B3GALT5: variants seen among roughly 807,000 people sequenced by gnomAD.
The protein encoded by B3GALT5 is UDP-Gal:betaGlcNAc beta 1,3-galactosyltransferase, polypeptide 5.
For synonymous variants in B3GALT5, 156 were observed against 158.6 expected (o/e 0.98, Z 0.12); for missense variants, 328 against 396.6 (o/e 0.83, Z 1.47).
chr21:39,661,102 T>C lies in B3GALT5; in HGVS notation c.543T>C (p.Thr181=), dbSNP rs768724281. The C allele has an allele frequency of 6.2e-7, 1 of 1,614,224 alleles. No homozygotes were observed. The highest frequency in any genetic ancestry group is 8.5e-7 in the Non-Finnish European group (1 of 1,180,030). The part of the protein sequence containing the change: ...LKKNRTTRFF[T]GFLKLNEFPI... The stretch of plus-strand genomic sequence containing the variant: ...AAAACAGAACAACCAGGTTTTTCAC[T>C]GGCTTCTTGAAACTCAATGAGTTTC... Residue 181 remains threonine, a synonymous_variant, in exon 4 of 4, where the codon ACT becomes ACC. Transcript: ENST00000684187. This position sits in a 1 kb window ranked among gnomAD's most constrained non-coding sequence, Gnocchi z 4.7.
At chr21:39,655,359 G>A (rs921319352) in intron 2 of B3GALT5, among the ~76,000 whole-genome samples, 15 of 152,238 alleles carry the variant, frequency 9.9e-5, no homozygotes, top group Non-Finnish European at 4.4e-5. Context: ...ATTCACCATC[G>A]TGCTGCAAGA....
chr21:39,651,714 G>A (rs192033175), intron 2 of B3GALT5, among the ~76,000 whole-genome samples: 8 of 152,278 alleles, frequency 5.3e-5, no homozygotes, highest in African/African-American at 1.9e-4. Context: ...ACATCGCACC[G>A]TAGTAGCAGT....
rs1366469738 is a variant in B3GALT5, at chr21:39,671,776, C to G, written c.*10284C>G. The G allele has an allele frequency of 6.6e-6, 1 of 152,080 alleles. No homozygotes were observed. Among genetic ancestry groups the G allele is most frequent in the Admixed American group, 6.5e-5 (1 of 15,280 alleles). The allele number at this position is 152,080 out of a possible 1,614,324, so 9.4% of individuals were successfully genotyped here. A position where few individuals can be genotyped will look rare whatever the true frequency, so the allele number is the denominator to read the frequency against. On this transcript the variant is annotated 3_prime_UTR_variant, in exon 4 of 4. Coordinates refer to ENST00000684187, the MANE Select transcript of B3GALT5 (RefSeq NM_001356336.2). Reference sequence around the variant, plus strand: ...AGAGAAGGATTTGCAGTGTGTGGCCCCTGGGAATGTAGAGGCATGAATTTC... The same window carrying G: ...AGAGAAGGATTTGCAGTGTGTGGCCGCTGGGAATGTAGAGGCATGAATTTC...
At chr21:39,648,219 T>C (rs1342309562) in intron 2 of B3GALT5, among the ~76,000 whole-genome samples, 1 of 152,142 alleles carries the variant, frequency 6.6e-6, no homozygotes, top group African/African-American at 2.4e-5. Context: ...AAAGAATGCA[T>C]CAGATTTAAA....
intron 1 of B3GALT5, among the ~76,000 whole-genome samples, chr21:39,644,383 A>G (rs1207542594): frequency 6.6e-6 from 1 of 152,056 alleles, no homozygotes; most frequent in Non-Finnish European, 1.5e-5. Flanking sequence ...TGAGGGAGGT[A>G]TGTAGCTTTT....
chr21:39,656,606 G>T (rs560812), intron 2 of B3GALT5, among the ~76,000 whole-genome samples: 8,703 of 152,188 alleles, frequency 0.057, 382 homozygotes, highest in South Asian at 0.18. Flanking sequence ...CTCCTTTCAG[G>T]TCCAGGAAGT....
chr21:39,619,877 G>A (rs1468332386), intron 1 of B3GALT5, among the ~76,000 whole-genome samples: 5 of 152,090 alleles, frequency 3.3e-5, no homozygotes, highest in East Asian at 1.9e-4. Flanking sequence ...GTGTGATTTC[G>A]TCTCACTGCA....
At chr21:39,615,524 G>T (rs2079103073) in intron 1 of B3GALT5, among the ~76,000 whole-genome samples, 1 of 152,174 alleles carries the variant, frequency 6.6e-6, no homozygotes, top group Non-Finnish European at 1.5e-5. Context: ...AGTCGTTTGG[G>T]ACCAAGTTGG....
At chr21:39,639,347 T>TTCCTTCCTTCCTTCC (rs2079260005) in intron 1 of B3GALT5, among the ~76,000 whole-genome samples, 9 of 66,788 alleles carry the variant, frequency 1.3e-4, no homozygotes, top group Non-Finnish European at 2.3e-4. Context: ...TCTTTCTTTC[T>TTCCTTCCTTCCTTCC]TTCCTTCCTT....
At chr21:39,622,766 C>T (rs2079140627) in intron 1 of B3GALT5, among the ~76,000 whole-genome samples, 1 of 151,792 alleles carries the variant, frequency 6.6e-6, no homozygotes, top group South Asian at 2.1e-4. Flanking sequence ...TTTTCTTTTT[C>T]ATACCTTTTT....
Position 39,661,189 on chromosome 21 carries a change from C to A in B3GALT5, c.630C>A (p.Tyr210Ter). Residue 210 changes from tyrosine to a stop codon, truncating the protein, a stop_gained, in exon 4 of 4, where the codon TAC becomes TAA. Coordinates refer to ENST00000684187, the MANE Select transcript of B3GALT5 (RefSeq NM_001356336.2). LOFTEE classifies it low-confidence loss of function (END_TRUNC). The surrounding 1 kb of genome is among the most constrained non-coding windows in gnomAD (Gnocchi z 4.7). ...AATCTGAATATCCGTGGGACAGGTA[C>A]CCACCATTCTGCTCCGGCACCGGCT... ...VSKSEYPWDR[Y>*]PPFCSGTGYV... The A allele has an allele frequency of 1.2e-6, 2 of 1,614,164 alleles. No individual in the cohort carries two copies. Among genetic ancestry groups the A allele is most frequent in the Non-Finnish European group, 1.7e-6 (2 of 1,180,036 alleles).
Position 39,661,418 on chromosome 21 carries a change from A to T in B3GALT5, c.859A>T (p.Ile287Phe). The T allele has an allele frequency of 1.3e-6, 2 of 1,555,444 alleles. No homozygotes were observed. The highest frequency in any genetic ancestry group is 1.7e-6 in the Non-Finnish European group (2 of 1,153,020). ...CAGGAGGATCGTGGCCTGCCACTTC[A>T]TCAAGCCTCGGACTCTCTTGGACTA... ...LFRRIVACHF[I>F]KPRTLLDYWQ... is the part of the protein sequence containing the mutation. Residue 287 changes from isoleucine (I) to phenylalanine (F), a missense_variant, in exon 4 of 4, where the codon ATC becomes TTC. Physicochemically the swap from Ile to Phe is conservative, Grantham distance 21. Transcript: ENST00000684187. The surrounding 1 kb of genome is among the most constrained non-coding windows in gnomAD (Gnocchi z 4.7).
rs1320205110 is a variant in B3GALT5 at position 39,661,326 on chromosome 21, G to A, written c.767G>A (p.Arg256Lys). ...VGLCLERLNI[R>K]LEELHSQPTF... is the part of the protein sequence containing the mutation. The stretch of plus-strand genomic sequence containing the variant: ...CTCTGCCTCGAAAGGCTGAACATCA[G>A]ATTGGAGGAGCTCCACTCCCAGCCG... Residue 256 changes from arginine to lysine, a missense_variant, in exon 4 of 4, where the codon AGA (arginine) becomes AAA (lysine). Physicochemically the swap from Arg to Lys is conservative, Grantham distance 26. Transcript: ENST00000684187. This position sits in a 1 kb window ranked among gnomAD's most constrained non-coding sequence, Gnocchi z 4.7. 2.5e-6 allele frequency: 4 copies of A among 1,614,010 alleles called. No individual in the cohort carries two copies. The South Asian group carries it at 4.4e-5, about 18-fold the overall frequency.
chr21:39,656,657 C>A (rs925787815), intron 2 of B3GALT5, among the ~76,000 whole-genome samples: 6 of 152,212 alleles, frequency 3.9e-5, no homozygotes, highest in Admixed American at 3.3e-4. Flanking sequence ...CTTCAGTTTT[C>A]CAGTCCTTAG....
chr21:39,650,764 A>G (rs747388318), intron 2 of B3GALT5, among the ~76,000 whole-genome samples: 1 of 146,120 alleles, frequency 6.8e-6, no homozygotes, highest in Non-Finnish European at 1.5e-5. Flanking sequence ...CCGTTGAAAT[A>G]GACTTGACAG....
At chr21:39,639,754 AG>A (rs1490285993) in intron 1 of B3GALT5, among the ~76,000 whole-genome samples, 1 of 151,974 alleles carries the variant, frequency 6.6e-6, no homozygotes, top group East Asian at 1.9e-4. Context: ...CTGGGATTAC[AG>A]GGGTGAACCA....
intron 1 of B3GALT5, among the ~76,000 whole-genome samples, chr21:39,624,846 C>T (rs376560418): frequency 2.0e-5 from 3 of 150,348 alleles, no homozygotes; most frequent in East Asian, 3.9e-4. Flanking sequence ...TCGTCCAAGG[C>T]GATAGTTTTT....
intron 1 of B3GALT5, among the ~76,000 whole-genome samples, chr21:39,631,670 A>G (rs1301735799): frequency 6.6e-6 from 1 of 152,238 alleles, no homozygotes; most frequent in Non-Finnish European, 1.5e-5. Flanking sequence ...ATGATGTGAC[A>G]TGCATGAGGT....
At chr21:39,640,574 G>C (rs16998045) in intron 1 of B3GALT5, among the ~76,000 whole-genome samples, 1 of 152,086 alleles carries the variant, frequency 6.6e-6, no homozygotes, top group South Asian at 2.1e-4. Context: ...GACACGTTTC[G>C]AAGGAATTAA....
Sources: gnomAD v4.1 joint callset for allele counts (sites outside exome capture counted in the v4.1 genomes callset) on GRCh38, gnomAD v4.1.1 for gene constraint, Gnocchi (gnomAD v3.1) non-coding constraint, MANE v1.5 for transcripts, NCBI Gene and HGNC (gene_info 2026-07-23, HGNC 2026-07-21) for gene names.